The following FNDC1 variants were observed in gnomAD, a reference collection of about 807,000 sequenced individuals.
The protein encoded by FNDC1 is fibronectin type III domain-containing protein 1.
A neutral mutation model predicts 168.0 loss-of-function variants in FNDC1; 96 were observed. The ratio of observed to expected loss-of-function variants is 0.57; its 90% CI spans 0.48 to 0.68. FNDC1 has a LOEUF of 0.68. FNDC1 is among the 30% of genes least tolerant of loss of function. The pLI, the probability that FNDC1 is intolerant of heterozygous loss-of-function variation, is 0.00. For synonymous variants in FNDC1, 1,099 were observed against 1,025.9 expected (o/e 1.07, Z -1.36); for missense variants, 2,587 against 2,482.1 (o/e 1.04, Z -0.90).
At chr6:159,175,333 A>G (rs559470834) in intron 1 of FNDC1, among the ~76,000 whole-genome samples, 223 of 152,344 alleles carry the variant, frequency 1.5e-3, no homozygotes, top group Non-Finnish European at 6.6e-4. Context: ...AGCTGAGGTC[A>G]GAGAGGTTAA....
intron 12 of FNDC1, among the ~76,000 whole-genome samples, chr6:159,236,555 GC>G (rs1783264893): frequency 6.6e-6 from 1 of 152,072 alleles, no homozygotes; most frequent in Non-Finnish European, 1.5e-5. Context: ...TTTTTCATTT[GC>G]CTTGACTGGT....
chr6:159,243,392 T>G (rs1783470684), intron 14 of FNDC1: 1 of 152,252 alleles, frequency 6.6e-6, no homozygotes, highest in African/African-American at 2.4e-5. Context: ...CTGGACCAAC[T>G]GTACAATGTG....
At chr6:159,221,446 C>G (rs1782821725) in intron 5 of FNDC1, among the ~76,000 whole-genome samples, 152 bp from the exon 6 acceptor site, 1 of 152,148 alleles carries the variant, frequency 6.6e-6, no homozygotes, top group Admixed American at 6.5e-5. Flanking sequence ...GCTCGCCCTT[C>G]ATAGTCCTCA....
chr6:159,231,570 A>T (rs1211485972), intron 10 of FNDC1, among the ~76,000 whole-genome samples: 1 of 152,256 alleles, frequency 6.6e-6, no homozygotes, highest in African/African-American at 2.4e-5. Context: ...CATTTATAAA[A>T]TAAATGAGTT....
At chr6:159,231,821 C>A in intron 10 of FNDC1, 61 bp from the exon 11 acceptor site, 3 of 1,411,816 alleles carry the variant, frequency 2.1e-6, no homozygotes, top group Admixed American at 2.5e-5. Context: ...TACTGTGTCT[C>A]ACCTCCGCTT....
At chr6:159,246,762 A>T in intron 14 of FNDC1, 139 bp from the exon 15 acceptor site, 2 of 620,512 alleles carry the variant, frequency 3.2e-6, no homozygotes, top group Non-Finnish European at 5.8e-6. Flanking sequence ...TCCTGAAAAA[A>T]TTATGGAGAC....
intron 1 of FNDC1, among the ~76,000 whole-genome samples, chr6:159,188,198 G>T (rs1261527273): frequency 6.6e-6 from 1 of 152,106 alleles, no homozygotes; most frequent in Non-Finnish European, 1.5e-5. Flanking sequence ...CATTTTTGGG[G>T]TTTTATTGGA....
intron 19 of FNDC1, among the ~76,000 whole-genome samples, chr6:159,261,586 A>C (rs1385938613): frequency 6.6e-6 from 1 of 152,232 alleles, no homozygotes; most frequent in African/African-American, 2.4e-5. Flanking sequence ...GTTTTAAAAA[A>C]ATTATTGCAA....
chr6:159,181,603 G>A (rs1473093354), intron 1 of FNDC1, among the ~76,000 whole-genome samples: 2 of 152,164 alleles, frequency 1.3e-5, no homozygotes, highest in Non-Finnish European at 2.9e-5. Context: ...CTTGCCAGAT[G>A]TAGTGTTTTT....
chr6:159,255,839 G>A (rs1777359567), intron 17 of FNDC1, among the ~76,000 whole-genome samples: 1 of 152,208 alleles, frequency 6.6e-6, no homozygotes, highest in Admixed American at 6.5e-5. Context: ...TGAGCTGTGG[G>A]ATGAACTTTA....
chr6:159,265,223 G>GA (rs1486775503), intron 20 of FNDC1, among the ~76,000 whole-genome samples: 1 of 152,170 alleles, frequency 6.6e-6, no homozygotes, highest in East Asian at 1.9e-4. Context: ...CAACATCTAT[G>GA]AAAAAACACT....
chr6:159,207,229 A>G (rs294916), intron 4 of FNDC1, among the ~76,000 whole-genome samples: 71,956 of 151,968 alleles, frequency 0.47, 19,113 homozygotes, highest in African/African-American at 0.72. Context: ...ACGTGAAGAC[A>G]CAAGCAGTGG....
chr6:159,187,297 T>C (rs1275254479), intron 1 of FNDC1, among the ~76,000 whole-genome samples: 1 of 152,204 alleles, frequency 6.6e-6, no homozygotes, highest in Non-Finnish European at 1.5e-5. Flanking sequence ...ATTGCTGTCC[T>C]CCATCTCTCG....
chr6:159,178,746 CT>C (rs772005826), intron 1 of FNDC1, among the ~76,000 whole-genome samples: 197 of 140,436 alleles, frequency 1.4e-3, no homozygotes, highest in Admixed American at 1.6e-3. Context: ...AAGTGTTTTT[CT>C]TTTTTTTTTT....
chr6:159,193,581 A>C lies in FNDC1; in HGVS notation c.110-3850A>C, dbSNP rs1214185581. Among the ~76,000 whole-genome samples the C allele has an allele frequency of 3.3e-5, 5 of 152,086 alleles. No homozygotes were observed. The East Asian group carries it at 9.6e-4, about 29-fold the overall frequency. ...AGATATTGGTCAGGTTGGCCCAGAG[A>C]CCTACCGCTGGACTCAGGCTTAGTT... is the stretch of plus-strand genomic sequence containing the variant. On this transcript the variant is annotated intron_variant, in intron 1 of 22. Transcript: ENST00000297267.
chr6:159,266,278 T>A, intron 21 of FNDC1, 33 bp downstream of exon 21: 1 of 1,609,712 alleles, frequency 6.2e-7, no homozygotes, highest in Non-Finnish European at 8.5e-7. Flanking sequence ...CTATGGGAGG[T>A]ATGGAACATT....
intron 21 of FNDC1, 100 bp from the exon 22 acceptor site, chr6:159,267,704 T>C: frequency 1.6e-6 from 2 of 1,239,978 alleles, no homozygotes; most frequent in African/African-American, 1.5e-5. Context: ...TTAAGTAATA[T>C]GCTGAATTCA....
intron 1 of FNDC1, among the ~76,000 whole-genome samples, chr6:159,174,629 T>C (rs2114915276): frequency 6.6e-6 from 1 of 152,286 alleles, no homozygotes; most frequent in Non-Finnish European, 1.5e-5. Flanking sequence ...ATTGGCGCTT[T>C]CTTCATATAT....
At chr6:159,191,198 C>T (rs1782131127) in intron 1 of FNDC1, among the ~76,000 whole-genome samples, 1 of 152,130 alleles carries the variant, frequency 6.6e-6, no homozygotes, top group Non-Finnish European at 1.5e-5. Context: ...CTCATCACCC[C>T]CTACCTCCAA....
Sources: gnomAD v4.1 joint callset for allele counts (sites outside exome capture counted in the v4.1 genomes callset) on GRCh38, gnomAD v4.1.1 for gene constraint, MANE v1.5 for transcripts, NCBI Gene and HGNC (gene_info 2026-07-23, HGNC 2026-07-21) for gene names.